The following TFCP2 variants were observed in gnomAD, a reference collection of about 807,000 sequenced individuals.
TFCP2 encodes transcription factor CP2, also known as alpha-globin transcription factor CP2.
TFCP2 carries 33 observed loss-of-function variants against 73.4 expected under a neutral mutation model. That is an observed-to-expected ratio of 0.45 (90% CI 0.34 to 0.60). The LOEUF (loss-of-function observed/expected upper bound fraction) is 0.60. Ranked by LOEUF, TFCP2 falls within the 20% of genes least tolerant of loss-of-function variation. The pLI is 0.01. For synonymous variants in TFCP2, 193 were observed against 211.6 expected, an observed-to-expected ratio of 0.91 and a Z score of 0.76; for missense variants, 352 against 604.0, an observed-to-expected ratio of 0.58 and a Z score of 4.37.
At chr12:51,153,393 T>G (rs911043397) in intron 1 of TFCP2, among the ~76,000 whole-genome samples, 47 of 40,464 alleles carry the variant, frequency 1.2e-3, no homozygotes, top group Admixed American at 3.2e-3. Flanking sequence ...AAGTTATCAT[T>G]TAACCTTTTT....
At chr12:51,095,429 G>T in intron 14 of TFCP2, 151 bp from the exon 15 acceptor site, 1 of 750,928 alleles carries the variant, frequency 1.3e-6, no homozygotes, top group Non-Finnish European at 2.2e-6. Flanking sequence ...CTCCAGCTTG[G>T]GCAACAAGAG....
At chr12:51,111,090 T>C (rs1487306821) in intron 4 of TFCP2, 107 bp from the exon 5 acceptor site, 1 of 753,700 alleles carries the variant, frequency 1.3e-6, no homozygotes, top group Non-Finnish European at 2.3e-6. Flanking sequence ...GATTTTTGTA[T>C]ATCACATCCT....
intron 1 of TFCP2, among the ~76,000 whole-genome samples, chr12:51,123,698 T>G (rs1940736095): frequency 6.6e-6 from 1 of 152,178 alleles, no homozygotes; most frequent in South Asian, 2.1e-4. Flanking sequence ...AGTGTTGGGA[T>G]CACAGGCATG....
intron 1 of TFCP2, among the ~76,000 whole-genome samples, chr12:51,153,883 G>C (rs1020379235): frequency 5.9e-5 from 9 of 152,106 alleles, no homozygotes; most frequent in Middle Eastern, 3.2e-3. Flanking sequence ...CAATTGTCTT[G>C]AATATACACT....
chr12:51,101,875 C>T lies in TFCP2; in HGVS notation c.1151+60G>A, dbSNP rs1046911258. On this transcript the variant is annotated intron_variant, in intron 11 of 14. Coordinates refer to ENST00000257915, the MANE Select transcript of TFCP2 (RefSeq NM_005653.5). ...GCTGTGTAGAGTATTGTGAAGAATT[C>T]CTGAATCCAAATCCATTTGGAATCC... 18 of 1,107,766 alleles carry T rather than the reference C, an allele frequency of 1.6e-5. No individual in the cohort carries two copies. In the Admixed American group the frequency reaches 3.1e-4, roughly 19 times the overall value. 68.6% of individuals were successfully genotyped at this position (1,107,766 alleles called of 1,614,324 possible).
intron 1 of TFCP2, chr12:51,124,701 T>C (rs767149879): frequency 6.6e-5 from 44 of 669,444 alleles, no homozygotes; most frequent in Non-Finnish European, 5.9e-5. Context: ...GGCCAGTGAG[T>C]TGGCAATCAG....
At chr12:51,124,725 G>T (rs752494169) in intron 1 of TFCP2, 6 of 698,990 alleles carry the variant, frequency 8.6e-6, no homozygotes, top group Middle Eastern at 2.5e-4. Flanking sequence ...GGTTGCCTTG[G>T]AGTCGCCCTC....
chr12:51,104,031 A>G (rs1940173646), intron 9 of TFCP2, 124 bp downstream of exon 9: 2 of 1,037,036 alleles, frequency 1.9e-6, no homozygotes, highest in Non-Finnish European at 1.5e-6. Flanking sequence ...TCAAAATTCA[A>G]TAAATGTTTG....
Position 51,095,194 on chromosome 12 carries a change from T to G in TFCP2, c.*47A>C. 1 of 1,606,106 alleles carries G rather than the reference T, an allele frequency of 6.2e-7. No individual in the cohort carries two copies. Among genetic ancestry groups the G allele is most frequent in the Non-Finnish European group, 8.5e-7 (1 of 1,172,712 alleles). On this transcript the variant is annotated 3_prime_UTR_variant, in exon 15 of 15. Transcript: ENST00000257915. Reference sequence around the variant, plus strand: ...ATATCCCCCTTCAAGAGGGCCGTTTTCAGAGGTGAAGGAAGGAGCAGCCAC... The same window carrying G: ...ATATCCCCCTTCAAGAGGGCCGTTTGCAGAGGTGAAGGAAGGAGCAGCCAC...
chr12:51,113,698 G>A (rs182661660), intron 4 of TFCP2, among the ~76,000 whole-genome samples: 1 of 152,254 alleles, frequency 6.6e-6, no homozygotes, highest in Admixed American at 6.5e-5. Context: ...TAGGCATAAA[G>A]ACAGACATTT....
At chr12:51,152,652 T>G (rs1259252517) in intron 1 of TFCP2, among the ~76,000 whole-genome samples, 1 of 152,198 alleles carries the variant, frequency 6.6e-6, no homozygotes, top group East Asian at 1.9e-4. Flanking sequence ...TGTAAGAAAT[T>G]CTGAGAAAGA....
In TFCP2 at chr12:51,122,288, T is replaced by C. The variant is rs140771267; in HGVS notation, c.123-3516A>G. 8.5e-3 allele frequency among the ~76,000 whole-genome samples: 1,118 copies of C among 131,550 alleles called. 18 individuals carry two copies. The highest frequency in any genetic ancestry group is 0.03 in the African/African-American group (1,046 of 34,884). The allele number at this position is 131,550 out of a possible 152,430, so 86.3% of individuals were successfully genotyped here. On this transcript the variant is annotated intron_variant, in intron 1 of 14. Transcript: ENST00000257915. ...TTTTTTTTTTTTTTGAGATAGAGTC[T>C]CCCTCTGTTACCCAGGCTGGAGTGC...
At position 51,170,537 on chromosome 12, in the gene TFCP2, G is replaced by A. The variant is rs992772600; in HGVS notation, c.122+1764C>T. Among the ~76,000 whole-genome samples, 16 of 151,752 alleles carry A rather than the reference G, an allele frequency of 1.1e-4. No homozygotes were observed. In the South Asian group the frequency reaches 1.7e-3, roughly 16 times the overall value. ...ATTTGTTGATTTATTTGTGGAGAGC[G>A]GGTCTTGAACTCCTTGGCTTCAAGA... is the stretch of plus-strand genomic sequence containing the variant. On this transcript the variant is annotated intron_variant, in intron 1 of 14. Coordinates refer to ENST00000257915, the MANE Select transcript of TFCP2 (RefSeq NM_005653.5).
chr12:51,139,286 A>G (rs1234630844), intron 1 of TFCP2, among the ~76,000 whole-genome samples: 1 of 152,092 alleles, frequency 6.6e-6, no homozygotes, highest in Non-Finnish European at 1.5e-5. Context: ...ACTCTTCAAC[A>G]TGGCTCCCAA....
intron 1 of TFCP2, among the ~76,000 whole-genome samples, chr12:51,140,756 C>G (rs1428545343): frequency 6.6e-6 from 1 of 151,720 alleles, no homozygotes; most frequent in Non-Finnish European, 1.5e-5. Context: ...CTGCAACCAT[C>G]TAATTTTTAA....
At chr12:51,103,934 C>T in intron 9 of TFCP2, 171 bp from the exon 10 acceptor site, 1 of 692,568 alleles carries the variant, frequency 1.4e-6, no homozygotes. Context: ...CCTTTTCTTC[C>T]CCACTAGACT....
rs1273247054 is a variant in TFCP2, at chr12:51,095,118, CCA to C, written c.*121_*122del. 2.6e-6 allele frequency: 3 copies of C among 1,134,904 alleles called. No individual in the cohort carries two copies. Among genetic ancestry groups the C allele is most frequent in the African/African-American group, 3.0e-5 (2 of 65,738 alleles). The allele number at this position is 1,134,904 out of a possible 1,614,324, so 70.3% of individuals were successfully genotyped here. ...TTCTGCCTCCATGGCCTGGACTCCT[CCA>C]CACACAGTCAGACGAGTCAGGTTCT... On this transcript the variant is annotated 3_prime_UTR_variant, in exon 15 of 15. Transcript: ENST00000257915.
intron 1 of TFCP2, among the ~76,000 whole-genome samples, chr12:51,157,256 A>G (rs1941555699): frequency 6.6e-6 from 1 of 152,070 alleles, no homozygotes; most frequent in South Asian, 2.1e-4. Context: ...TCCTGACCTC[A>G]AGTGATCCGC....
intron 9 of TFCP2, 35 bp from the exon 10 acceptor site, chr12:51,103,798 T>C (rs924467517): frequency 1.3e-6 from 2 of 1,544,300 alleles, no homozygotes; most frequent in Non-Finnish European, 8.9e-7. Flanking sequence ...GATAACCAAA[T>C]AGATTTGTCT....
Sources: allele counts gnomAD v4.1 joint callset (sites outside exome capture counted in the v4.1 genomes callset), GRCh38; gene constraint gnomAD v4.1.1; transcripts MANE v1.5; gene names NCBI Gene and HGNC (gene_info 2026-07-23, HGNC 2026-07-21).